DPP6: variants seen among roughly 807,000 people sequenced by gnomAD.
DPP6 encodes A-type potassium channel modulatory protein DPP6.
In DPP6, 69 loss-of-function variants were observed where a neutral mutation model predicts 122.6. That is an observed-to-expected ratio of 0.56 (90% CI 0.46 to 0.69). The LOEUF (loss-of-function observed/expected upper bound fraction) is 0.69, where lower values mean the gene tolerates loss of function less well. Among genes scored for constraint, DPP6 ranks in the 30% least tolerant of loss-of-function variants. The pLI, the probability that DPP6 is intolerant of heterozygous loss-of-function variation, is 0.00. For synonymous variants in DPP6, 418 were observed against 433.1 expected (o/e 0.97, Z 0.43); for missense variants, 928 against 1,116.9 (o/e 0.83, Z 2.41).
chr7:153,866,479 T>A, the DPP6 span, among the ~76,000 whole-genome samples: 1 of 152,192 alleles, frequency 6.6e-6, no homozygotes. Flanking sequence ...TCATATCCTT[T>A]GCCCACTTTT....
At chr7:154,052,368 GC>G (rs1456246465), upstream of DPP6, 1 of 153,860 alleles carries the variant, frequency 6.5e-6, no homozygotes, top group Non-Finnish European at 1.4e-5. The surrounding 1 kb of genome is among the most constrained non-coding windows in gnomAD (Gnocchi z 4.8). Context: ...TGCGCGAGGG[GC>G]CTGGGGGCGG....
chr7:153,776,163 T>C, the DPP6 span, among the ~76,000 whole-genome samples: 1 of 152,274 alleles, frequency 6.6e-6, no homozygotes, highest in Non-Finnish European at 1.5e-5. Context: ...GATTTCAAGA[T>C]GTATTTTATA....
At chr7:154,807,259 C>T in intron 16 of DPP6, 147 bp downstream of exon 16, 2 of 1,246,844 alleles carry the variant, frequency 1.6e-6, no homozygotes, top group Non-Finnish European at 2.2e-6. Context: ...TACCTGATAA[C>T]ATTGCTTATG....
At chr7:154,111,550 A>G (rs112724123) in intron 1 of DPP6, among the ~76,000 whole-genome samples, 5,591 of 151,956 alleles carry the variant, frequency 0.037, 252 homozygotes, top group African/African-American at 0.13. Flanking sequence ...AATGGAAAAT[A>G]TTTATTTTAG....
At chr7:153,868,906 T>C in the DPP6 span, among the ~76,000 whole-genome samples, 3 of 152,256 alleles carry the variant, frequency 2.0e-5, no homozygotes, top group African/African-American at 7.2e-5. Flanking sequence ...CATTTCGTTA[T>C]GTACCCAGTA....
intron 1 of DPP6, among the ~76,000 whole-genome samples, chr7:154,232,087 C>A (rs771751875): frequency 6.6e-6 from 1 of 152,044 alleles, no homozygotes; most frequent in Non-Finnish European, 1.5e-5. Context: ...AGAGCAATAG[C>A]AATCAGGACT....
intron 8 of DPP6, among the ~76,000 whole-genome samples, chr7:154,745,578 A>G (rs923638618): frequency 9.2e-5 from 14 of 152,242 alleles, no homozygotes; most frequent in African/African-American, 3.4e-4. Context: ...ATTTATAAAA[A>G]GAAGAGTTTA....
intron 1 of DPP6, among the ~76,000 whole-genome samples, chr7:154,383,683 A>G (rs969569886): frequency 1.3e-5 from 2 of 152,106 alleles, no homozygotes; most frequent in African/African-American, 4.8e-5. Context: ...TGAGGTCAGG[A>G]GTTCGAGACC....
intron 1 of DPP6, among the ~76,000 whole-genome samples, chr7:154,179,240 C>T (rs894127566): frequency 3.3e-5 from 5 of 152,098 alleles, no homozygotes. Context: ...ATTCTAGTTG[C>T]TCTAAAGAAA....
At chr7:154,868,208 T>C in intron 18 of DPP6, 115 bp downstream of exon 18, 1 of 1,348,644 alleles carries the variant, frequency 7.4e-7, no homozygotes, top group Non-Finnish European at 1.0e-6. Context: ...AGCACGGGGG[T>C]GTATCTTTGC....
At chr7:153,764,533 A>T in the DPP6 span, among the ~76,000 whole-genome samples, 1 of 151,904 alleles carries the variant, frequency 6.6e-6, no homozygotes, top group Non-Finnish European at 1.5e-5. Flanking sequence ...GTGGTTATGG[A>T]TCTCATCTGG....
At chr7:154,879,993 C>G (rs1805258100) in intron 20 of DPP6, among the ~76,000 whole-genome samples, 1 of 152,222 alleles carries the variant, frequency 6.6e-6, no homozygotes, top group Admixed American at 6.5e-5. Context: ...GTGTCTCGAC[C>G]AGGAACTCAT....
rs560943992 is a variant in DPP6, at chr7:154,596,432, C to T, written c.627+29516C>T. 2.6e-4 allele frequency among the ~76,000 whole-genome samples: 40 copies of T among 152,312 alleles called. 1 individual carries two copies. In the South Asian group the frequency reaches 6.0e-3, roughly 23 times the overall value. ...GGGCAGTGTATAGACATTGTACAGA[C>T]ATTGTAAAGACATTAGAGCACAATT... On this transcript the variant is annotated intron_variant, in intron 5 of 25. Coordinates refer to ENST00000377770, the MANE Select transcript of DPP6 (RefSeq NM_130797.4).
At chr7:154,588,043 A>T in intron 5 of DPP6, 1 of 1,610,988 alleles carries the variant, frequency 6.2e-7, no homozygotes, top group Non-Finnish European at 8.5e-7. Context: ...GATAATGCAC[A>T]GCAGCTACAG....
At chr7:153,884,064 GGTTT>G (rs1256083108), upstream of DPP6, among the ~76,000 whole-genome samples, 11 of 152,246 alleles carry the variant, frequency 7.2e-5, no homozygotes, top group East Asian at 5.8e-4. Flanking sequence ...ACAACGTGCA[GGTTT>G]GTTACATATG....
chr7:154,484,024 C>T (rs1823572159), intron 3 of DPP6, among the ~76,000 whole-genome samples: 1 of 152,176 alleles, frequency 6.6e-6, no homozygotes, highest in Admixed American at 6.5e-5. Flanking sequence ...TTGCAATTCA[C>T]ACAAGGTCAA....
At chr7:154,793,316 T>C (rs528234847) in intron 10 of DPP6, among the ~76,000 whole-genome samples, 17 of 152,218 alleles carry the variant, frequency 1.1e-4, no homozygotes, top group Non-Finnish European at 1.6e-4. Context: ...CAACACTTTC[T>C]TCTTCCTCTT....
intron 1 of DPP6, among the ~76,000 whole-genome samples, chr7:153,889,275 T>C (rs904334464): frequency 1.3e-5 from 2 of 152,176 alleles, no homozygotes; most frequent in Admixed American, 6.5e-5. Context: ...TTTCCCACTC[T>C]TTTTCTTTTT....
chr7:153,790,377 CATT>C, the DPP6 span, among the ~76,000 whole-genome samples: 1 of 152,066 alleles, frequency 6.6e-6, no homozygotes, highest in African/African-American at 2.4e-5. Context: ...AAATTTCTGT[CATT>C]GTGCTATATA....
Sources: allele counts gnomAD v4.1 joint callset (sites outside exome capture counted in the v4.1 genomes callset), GRCh38; gene constraint gnomAD v4.1.1; non-coding constraint Gnocchi (gnomAD v3.1); transcripts MANE v1.5; gene names NCBI Gene and HGNC (gene_info 2026-07-23, HGNC 2026-07-21).